The following MTMR10 variants were observed in gnomAD, a reference collection of about 807,000 sequenced individuals.
MTMR10 encodes the protein myotubularin-related protein 10.
In MTMR10, 56 loss-of-function variants were observed where a neutral mutation model predicts 88.1. That is an observed-to-expected ratio of 0.64 (90% CI 0.51 to 0.79). MTMR10 has a LOEUF of 0.79. MTMR10 is among the 30% of genes least tolerant of loss of function. MTMR10 has a pLI of 0.00. For synonymous variants in MTMR10, 380 were observed against 340.9 expected, an observed-to-expected ratio of 1.11 and a Z score of -1.26; for missense variants, 883 against 924.7, an observed-to-expected ratio of 0.95 and a Z score of 0.58.
At chr15:30,984,206 T>C (rs555514675) in intron 2 of MTMR10, among the ~76,000 whole-genome samples, 2 of 152,316 alleles carry the variant, frequency 1.3e-5, no homozygotes, top group East Asian at 1.9e-4. Context: ...ATTTTATTTA[T>C]GGAGGTTCAT....
the MTMR10 span, among the ~76,000 whole-genome samples, chr15:30,929,837 A>ATC: frequency 2.6e-5 from 2 of 76,912 alleles, no homozygotes; most frequent in African/African-American, 1.6e-4. Flanking sequence ...TATATAATAT[A>ATC]ATATATAAAA....
chr15:30,974,906 A>C, intron 4 of MTMR10, 25 bp downstream of exon 4: 3 of 1,396,106 alleles, frequency 2.1e-6, no homozygotes, highest in South Asian at 1.5e-5. Flanking sequence ...ATTGACTTTT[A>C]GAGTATGTAC....
At position 30,941,280 on chromosome 15, in the gene MTMR10, C is replaced by A; in HGVS notation, c.*190G>T. The A allele has an allele frequency of 2.0e-6, 3 of 1,498,248 alleles. No individual in the cohort carries two copies. Among genetic ancestry groups the A allele is most frequent in the African/African-American group, 1.4e-5 (1 of 72,426 alleles). 92.8% of individuals were successfully genotyped at this position (1,498,248 alleles called of 1,614,324 possible). A position where few individuals can be genotyped will look rare whatever the true frequency, so the allele number is the denominator to read the frequency against. On this transcript the variant is annotated 3_prime_UTR_variant, in exon 16 of 16. Transcript: ENST00000435680. Reference sequence around the variant, plus strand: ...TGTAATGACAGAAAGAGGACAGGAACAAAATTTACATCTCTCTTAAAATAA... The same window carrying A: ...TGTAATGACAGAAAGAGGACAGGAAAAAAATTTACATCTCTCTTAAAATAA...
At chr15:30,937,404 T>TA, downstream of MTMR10, 1 of 718,204 alleles carries the variant, frequency 1.4e-6, no homozygotes, top group Non-Finnish European at 2.2e-6. Context: ...CAAAACAGTG[T>TA]TTGCTTGAAT....
intron 11 of MTMR10, among the ~76,000 whole-genome samples, chr15:30,952,367 T>C (rs542634761): frequency 6.6e-6 from 1 of 152,318 alleles, no homozygotes; most frequent in Non-Finnish European, 1.5e-5. Flanking sequence ...ATTTTGTAAT[T>C]TTTGTTTTCT....
intron 9 of MTMR10, among the ~76,000 whole-genome samples, chr15:30,955,169 A>G (rs1225662127): frequency 6.6e-6 from 1 of 152,180 alleles, no homozygotes; most frequent in Non-Finnish European, 1.5e-5. Flanking sequence ...TTTCCCTCTT[A>G]GCACCCAACT....
intron 2 of MTMR10, among the ~76,000 whole-genome samples, chr15:30,985,968 G>T (rs1164134249): frequency 1.3e-5 from 2 of 152,180 alleles, no homozygotes; most frequent in African/African-American, 4.8e-5. Flanking sequence ...AGGTTGGGTG[G>T]AGTTAGTCAG....
rs973907536 is a variant in MTMR10, at chr15:30,947,283, T to C, written c.1395A>G (p.Leu465=). The C allele has an allele frequency of 1.3e-5, 21 of 1,612,824 alleles. No individual in the cohort carries two copies. Among genetic ancestry groups the C allele is most frequent in the African/African-American group, 2.7e-5 (2 of 74,810 alleles). ...RSEKESPLFL[L]FLDATWQLLE... is the part of the protein sequence containing the mutation. The stretch of plus-strand genomic sequence containing the variant: ...ACAGCTGCCAGGTGGCATCCAAGAA[T>C]AGCAAAAATAAAGGAGACTGGCAAA... The change falls in exon 14 of 16, where the codon CTA becomes CTG. Residue 465 remains leucine (L), a synonymous_variant. Transcript: ENST00000435680.
chr15:30,982,008 T>C (rs2030610437), intron 2 of MTMR10, among the ~76,000 whole-genome samples: 1 of 150,750 alleles, frequency 6.6e-6, no homozygotes, highest in Non-Finnish European at 1.5e-5. Context: ...GAGCTGGAGG[T>C]TGCGGTGAGC....
At chr15:30,930,481 G>A in the MTMR10 span, 2 of 1,537,472 alleles carry the variant, frequency 1.3e-6, no homozygotes, top group Non-Finnish European at 1.7e-6. Flanking sequence ...CGTGATCCCT[G>A]GAGCCTATTT....
chr15:30,956,182 C>T (rs150829626), intron 9 of MTMR10: 3 of 152,158 alleles, frequency 2.0e-5, no homozygotes, highest in East Asian at 1.9e-4. Context: ...AATAAAATGG[C>T]GCTGTACATT....
the MTMR10 span, chr15:30,928,786 C>T: frequency 6.7e-7 from 1 of 1,498,380 alleles, no homozygotes; most frequent in Non-Finnish European, 8.9e-7. Flanking sequence ...ATCCACAGGT[C>T]AAGATGATAA....
downstream of MTMR10, chr15:30,937,143 G>A: frequency 6.2e-7 from 1 of 1,613,500 alleles, no homozygotes. Context: ...AGGCCCCAAT[G>A]ATCGTCTTTC....
Position 30,988,718 on chromosome 15 carries a change from G to C in MTMR10, c.121+2059C>G, listed in dbSNP as rs768946210. ...AATTTTAAAAAAGTGGCCAGGCGCA[G>C]TGGCTCACGCCTGTAATCCCAGCAC... is the stretch of plus-strand genomic sequence containing the variant. On this transcript the variant is annotated intron_variant, in intron 2 of 15. Transcript: ENST00000435680. Among the ~76,000 whole-genome samples the C allele has an allele frequency of 1.3e-3, 200 of 152,332 alleles. 1 individual carries two copies. The highest frequency in any genetic ancestry group is 2.4e-3 in the Non-Finnish European group (166 of 68,032).
At position 30,968,254 on chromosome 15, in the gene MTMR10, G is replaced by C. The variant is rs113990505; in HGVS notation, c.475-244C>G. On this transcript the variant is annotated intron_variant, in intron 5 of 15. Transcript: ENST00000435680. ...GGCAAGTATTCAGTAAATATTTGCT[G>C]AGTTAAATTTTAATTGGAAAGTAAT... 4.4e-3 allele frequency: 1,468 copies of C among 330,932 alleles called. 17 individuals are homozygous for C. Among genetic ancestry groups the C allele is most frequent in the African/African-American group, 0.029 (1,349 of 46,974 alleles). The allele number at this position is 330,932 out of a possible 1,614,324, so 20.5% of individuals were successfully genotyped here.
chr15:30,983,401 G>A (rs1358915073), intron 2 of MTMR10, among the ~76,000 whole-genome samples: 1 of 152,162 alleles, frequency 6.6e-6, no homozygotes, highest in East Asian at 1.9e-4. Context: ...TAAATAAGAA[G>A]GGAAATGCAA....
the MTMR10 span, chr15:30,926,658 A>G: frequency 1.0e-5 from 10 of 985,412 alleles, no homozygotes; most frequent in Non-Finnish European, 1.2e-5. Flanking sequence ...GAAGACAGAG[A>G]GATACAGTAG....
rs2063254356 is a variant in MTMR10, at chr15:30,951,980, CAG to C, written c.1193_1194del (p.Ser398CysfsTer28). On this transcript the variant is annotated frameshift_variant, in exon 12 of 16. Transcript: ENST00000435680. LOFTEE classifies it high-confidence loss of function. ...LVYMLESKHLSVVLQEEEGRD... is the reference protein window; with the variant it reads ...LVYMLESKHLXVVLQEEEGRD... ...TTACTTTAGTTACCTTGTAGGACTACAGAGAGATGTTTGCTTTCTAGCATGTA... is the reference window on the plus strand; with the variant it reads ...TTACTTTAGTTACCTTGTAGGACTACAGAGATGTTTGCTTTCTAGCATGTA... 4 of 1,613,532 alleles carry C rather than the reference CAG, an allele frequency of 2.5e-6. No homozygotes were observed. Among genetic ancestry groups the C allele is most frequent in the Non-Finnish European group, 3.4e-6 (4 of 1,179,480 alleles).
chr15:30,988,513 GA>G (rs11339170), intron 2 of MTMR10, among the ~76,000 whole-genome samples: 89,100 of 151,886 alleles, frequency 0.59, 27,546 homozygotes, highest in African/African-American at 0.77. Context: ...AAATAATACG[GA>G]ATTTAGCTGC....
Sources: gnomAD v4.1 joint callset for allele counts (sites outside exome capture counted in the v4.1 genomes callset) on GRCh38, gnomAD v4.1.1 for gene constraint, MANE v1.5 for transcripts, NCBI Gene and HGNC (gene_info 2026-07-23, HGNC 2026-07-21) for gene names.